LEP: variants seen among roughly 807,000 people sequenced by gnomAD.
LEP encodes the protein leptin.
A neutral mutation model predicts 9.8 loss-of-function variants in LEP; 6 were observed. The ratio of observed to expected loss-of-function variants is 0.61; its 90% confidence interval spans 0.34 to 1.21. The LOEUF (loss-of-function observed/expected upper bound fraction) is 1.21, where lower values mean the gene tolerates loss of function less well. LEP is among the 50% of genes most tolerant of loss of function. The probability of loss-of-function intolerance (pLI) is 0.04; values close to 1 mark genes in which losing one functional copy is unlikely to be tolerated. For missense variants in LEP, 134 were observed against 198.1 expected (o/e 0.68, Z 1.94); for synonymous variants, 112 against 81.7 (o/e 1.37, Z -2.00).
chr7:128,254,749 AG>A lies in LEP; in HGVS notation c.491del (p.Ser164ThrfsTer30), dbSNP rs1562932913. 6.2e-7 allele frequency: 1 copy of A among 1,610,658 alleles called. No homozygotes were observed. The highest frequency in any genetic ancestry group is 8.5e-7 in the Non-Finnish European group (1 of 1,179,948). Reference protein sequence around the residue: ...LQDMLWQLDLSPGC With the variant: ...LQDMLWQLDLXPGC ...GGACATGCTGTGGCAGCTGGACCTC[AG>A]CCCTGGGTGCTGAGGCCTTGAAGGT... On this transcript the variant is annotated frameshift_variant, in exon 3 of 3. Transcript: ENST00000308868. LOFTEE classifies it high-confidence loss of function.
chr7:128,254,593 G>C lies in LEP; in HGVS notation c.334G>C (p.Ala112Pro). 1 of 1,614,152 alleles carries C rather than the reference G, an allele frequency of 6.2e-7. No homozygotes were observed. The highest frequency in any genetic ancestry group is 8.5e-7 in the Non-Finnish European group (1 of 1,180,002). ...ENLRDLLHVL[A>P]FSKSCHLPWA... ...CCTCCGGGATCTTCTTCACGTGCTGGCCTTCTCTAAGAGCTGCCACTTGCC... is the reference window on the plus strand; with the variant it reads ...CCTCCGGGATCTTCTTCACGTGCTGCCCTTCTCTAAGAGCTGCCACTTGCC... The change falls in exon 3 of 3, where the codon GCC becomes CCC. Residue 112 changes from alanine to proline, a missense_variant. By Grantham distance (27) the Ala-to-Pro change is conservative. Transcript: ENST00000308868.
intron 2 of LEP, among the ~76,000 whole-genome samples, chr7:128,252,512 T>C (rs1795287397): frequency 6.6e-6 from 1 of 152,160 alleles, no homozygotes; most frequent in Non-Finnish European, 1.5e-5. Context: ...GGAGGATCAT[T>C]CGAGCCCAAG....
At chr7:128,254,002 G>A (rs1413474388) in intron 2 of LEP, among the ~76,000 whole-genome samples, 1 of 152,120 alleles carries the variant, frequency 6.6e-6, no homozygotes, top group South Asian at 2.1e-4. Context: ...AAGCTGACTG[G>A]GAGGGAGGAC....
chr7:128,253,492 C>G (rs556030836), intron 2 of LEP, among the ~76,000 whole-genome samples: 1 of 152,306 alleles, frequency 6.6e-6, no homozygotes, highest in African/African-American at 2.4e-5. Flanking sequence ...TTTTCATCAT[C>G]TGGATAATGG....
rs1318393484 is a variant in LEP at position 128,256,193 on chromosome 7, AGCACT to A, written c.*1433_*1437del. 6.6e-6 allele frequency: 1 copy of A among 152,308 alleles called. No homozygotes were observed. Among genetic ancestry groups the A allele is most frequent in the Non-Finnish European group, 1.5e-5 (1 of 68,032 alleles). The allele number at this position is 152,308 out of a possible 1,614,324, so 9.4% of individuals were successfully genotyped here. Reference sequence around the variant, plus strand: ...TAGCAGGTGGTCCTGAGACCTGACAAGCACTGCTAGGCGAGTGCCAGGACTCCCCA... The same window carrying A: ...TAGCAGGTGGTCCTGAGACCTGACAAGCTAGGCGAGTGCCAGGACTCCCCA... On this transcript the variant is annotated 3_prime_UTR_variant, in exon 3 of 3. Transcript: ENST00000308868.
chr7:128,244,921 G>C (rs1221234147), intron 1 of LEP, among the ~76,000 whole-genome samples: 1 of 152,222 alleles, frequency 6.6e-6, no homozygotes, highest in African/African-American at 2.4e-5. Flanking sequence ...GTCAGGAGAA[G>C]GAAGGGAGGA....
intron 2 of LEP, 49 bp from the exon 3 acceptor site, chr7:128,254,355 G>T (rs780470938): frequency 3.5e-5 from 57 of 1,605,852 alleles, no homozygotes; most frequent in Non-Finnish European, 4.7e-5. Context: ...CTCTGAGAGC[G>T]ATTCCTCCCA....
rs1239385065 is a variant in LEP at position 128,254,395 on chromosome 7, C to G, written c.145-9C>G. 8.7e-6 allele frequency: 14 copies of G among 1,612,434 alleles called. 1 individual carries two copies. In the South Asian group the frequency reaches 1.3e-4, roughly 15 times the overall value. On this transcript the variant is annotated splice_polypyrimidine_tract_variant and intron_variant, in intron 2 of 2. Coordinates refer to ENST00000308868, the MANE Select transcript of LEP (RefSeq NM_000230.3). Reference sequence around the variant, plus strand: ...CTGAGCACTTGTTCTCCCTCTTCCTCCTGCATAGCAGTCAGTCTCCTCCAA... The same window carrying G: ...CTGAGCACTTGTTCTCCCTCTTCCTGCTGCATAGCAGTCAGTCTCCTCCAA...
At chr7:128,251,386 C>A (rs879207532) in intron 1 of LEP, among the ~76,000 whole-genome samples, 1 of 152,072 alleles carries the variant, frequency 6.6e-6, no homozygotes, top group Non-Finnish European at 1.5e-5. Context: ...AGAGAAAGGA[C>A]GTAAGGAAGC....
chr7:128,249,366 G>A (rs1409192013), intron 1 of LEP, among the ~76,000 whole-genome samples: 5 of 152,230 alleles, frequency 3.3e-5, no homozygotes, highest in Non-Finnish European at 7.3e-5. Context: ...CCCTGCAGTT[G>A]ATAAGGTGAG....
At chr7:128,242,398 A>G (rs1401151307) in intron 1 of LEP, among the ~76,000 whole-genome samples, 1 of 152,098 alleles carries the variant, frequency 6.6e-6, no homozygotes, top group African/African-American at 2.4e-5. Flanking sequence ...GGAACTGGGG[A>G]ATTTTGCCAA....
intron 1 of LEP, among the ~76,000 whole-genome samples, chr7:128,249,046 T>C (rs967619550): frequency 6.6e-6 from 1 of 152,172 alleles, no homozygotes; most frequent in African/African-American, 2.4e-5. Context: ...TTATTCCTCC[T>C]CTCCTCATCC....
intron 2 of LEP, among the ~76,000 whole-genome samples, chr7:128,252,948 C>T (rs190178572): frequency 5.9e-5 from 9 of 152,182 alleles, no homozygotes; most frequent in Non-Finnish European, 8.8e-5. Context: ...TGAGGCCTCA[C>T]GTGCTTATTT....
chr7:128,247,669 A>G (rs1795227524), intron 1 of LEP, among the ~76,000 whole-genome samples: 1 of 152,182 alleles, frequency 6.6e-6, no homozygotes, highest in African/African-American at 2.4e-5. Context: ...CATCTCCTCC[A>G]TGATGCCTCC....
chr7:128,241,655 A>C (rs1290733768), intron 1 of LEP, among the ~76,000 whole-genome samples: 4 of 152,172 alleles, frequency 2.6e-5, no homozygotes, highest in African/African-American at 9.7e-5. Context: ...AGGATGTCCC[A>C]CCCCAGTCTG....
chr7:128,251,346 C>T (rs903769936), intron 1 of LEP, among the ~76,000 whole-genome samples: 2 of 152,144 alleles, frequency 1.3e-5, no homozygotes, highest in African/African-American at 4.8e-5. Context: ...TCAGTAAGTG[C>T]TAGTGGGATT....
rs1253409775 is a variant in LEP, at chr7:128,255,042, TCAA to T, written c.*283_*285del. The T allele has an allele frequency of 6.0e-5, 28 of 466,958 alleles. No homozygotes were observed. Among genetic ancestry groups the T allele is most frequent in the Admixed American group, 3.0e-4 (9 of 29,914 alleles). The allele number at this position is 466,958 out of a possible 1,614,324, so 28.9% of individuals were successfully genotyped here. A position where few individuals can be genotyped will look rare whatever the true frequency, so the allele number is the denominator to read the frequency against. ...GGATTCCCACCAAGGTCTTCAGCCA[TCAA>T]CAAGAGTTGTCTTGTCCCCTCTTGA... On this transcript the variant is annotated 3_prime_UTR_variant, in exon 3 of 3. Coordinates refer to ENST00000308868, the MANE Select transcript of LEP (RefSeq NM_000230.3).
chr7:128,245,762 G>A (rs563632426), intron 1 of LEP, among the ~76,000 whole-genome samples: 1 of 152,252 alleles, frequency 6.6e-6, no homozygotes, highest in African/African-American at 2.4e-5. Flanking sequence ...CTCCAGCCTG[G>A]ATCTAAAGAG....
Position 128,255,957 on chromosome 7 carries a change from A to G in LEP, c.*1194A>G, listed in dbSNP as rs1219172591. ...TCCTATCATGGAGTGACGGTCCCAC[A>G]CTGGTGACTGCGATCTTCAGAGCAG... On this transcript the variant is annotated 3_prime_UTR_variant, in exon 3 of 3. Coordinates refer to ENST00000308868, the MANE Select transcript of LEP (RefSeq NM_000230.3). 1.3e-5 allele frequency: 2 copies of G among 152,226 alleles called. No homozygotes were observed. Among genetic ancestry groups the G allele is most frequent in the Non-Finnish European group, 2.9e-5 (2 of 68,048 alleles). The allele number at this position is 152,226 out of a possible 1,614,324, so 9.4% of individuals were successfully genotyped here.
Sources: gnomAD v4.1 joint callset for allele counts (sites outside exome capture counted in the v4.1 genomes callset) on GRCh38, gnomAD v4.1.1 for gene constraint, MANE v1.5 for transcripts, NCBI Gene and HGNC (gene_info 2026-07-23, HGNC 2026-07-21) for gene names.